Variants in CSMD1 observed in about 807,000 individuals in gnomAD.
The protein encoded by CSMD1 is CUB and Sushi multiple domains 1, also known as CUB and sushi domain-containing protein 1.
A neutral mutation model predicts 417.5 loss-of-function variants in CSMD1; 213 were observed. The ratio of observed to expected loss-of-function variants is 0.51; its 90% confidence interval spans 0.46 to 0.57. The LOEUF (loss-of-function observed/expected upper bound fraction) is 0.57. Among genes scored for constraint, CSMD1 ranks in the 20% least tolerant of loss-of-function variants. The pLI is 0.00. For synonymous variants in CSMD1, 2,862 were observed against 1,736.8 expected, an observed-to-expected ratio of 1.65 and a Z score of -16.11; for missense variants, 6,923 against 4,529.7, an observed-to-expected ratio of 1.53 and a Z score of -15.17.
intron 2 of CSMD1, among the ~76,000 whole-genome samples, chr8:4,607,902 C>G (rs984276214): frequency 6.6e-5 from 10 of 152,160 alleles, no homozygotes; most frequent in Admixed American, 5.2e-4. Context: ...ACTGTGGTGT[C>G]AAGAGCTTGG....
intron 3 of CSMD1, among the ~76,000 whole-genome samples, chr8:4,412,956 C>A (rs1210570974): frequency 1.3e-5 from 2 of 152,182 alleles, no homozygotes; most frequent in Admixed American, 1.3e-4. Flanking sequence ...GAACTTGTAT[C>A]ATCAATGGAC....
At chr8:4,476,186 A>T (rs911342177) in intron 2 of CSMD1, among the ~76,000 whole-genome samples, 1 of 152,156 alleles carries the variant, frequency 6.6e-6, no homozygotes, top group Admixed American at 6.5e-5. Flanking sequence ...CTTCACCAGC[A>T]TAACTGATAA....
chr8:3,108,510 G>A, intron 44 of CSMD1, 93 bp downstream of exon 44: 1 of 1,346,236 alleles, frequency 7.4e-7, no homozygotes, highest in East Asian at 2.4e-5. Flanking sequence ...GCTGAATCAA[G>A]AAACTTCAGC....
intron 7 of CSMD1, among the ~76,000 whole-genome samples, chr8:3,640,853 A>G (rs1585004431): frequency 6.6e-6 from 1 of 151,470 alleles, no homozygotes; most frequent in Admixed American, 6.6e-5. Context: ...TTACCTCACT[A>G]CTTTTTTTTT....
intron 1 of CSMD1, among the ~76,000 whole-genome samples, chr8:4,960,777 G>A (rs138398046): frequency 1.1e-3 from 161 of 152,112 alleles, no homozygotes; most frequent in African/African-American, 3.8e-3. Flanking sequence ...TTACATCTAA[G>A]CAAGAACAGA....
chr8:4,359,224 G>C (rs989689469), intron 3 of CSMD1, among the ~76,000 whole-genome samples: 2 of 152,142 alleles, frequency 1.3e-5, no homozygotes, highest in Non-Finnish European at 2.9e-5. Flanking sequence ...TCTGTAGAGA[G>C]GGGTGTCCCT....
At chr8:4,961,969 G>C (rs992587101) in intron 1 of CSMD1, among the ~76,000 whole-genome samples, 12 of 151,718 alleles carry the variant, frequency 7.9e-5, no homozygotes, top group Admixed American at 3.3e-4. Context: ...TCTTGTCTTT[G>C]AATGTCAAAA....
In CSMD1 at chr8:3,859,713, A is replaced by G. The variant is rs530400153; in HGVS notation, c.819-105671T>C. On this transcript the variant is annotated intron_variant, in intron 5 of 69. Transcript: ENST00000635120. ...GTGCCTACATAGTGAAGCCTCAGTA[A>G]TAACTCTGGACACAGAAACCCGGGC... Among the ~76,000 whole-genome samples, 27 of 152,242 alleles carry G rather than the reference A, an allele frequency of 1.8e-4. 2 individuals are homozygous for G. In the South Asian group the frequency reaches 5.4e-3, roughly 30 times the overall value.
intron 37 of CSMD1, among the ~76,000 whole-genome samples, chr8:3,175,191 T>A (rs908012309): frequency 6.6e-6 from 1 of 152,200 alleles, no homozygotes; most frequent in Non-Finnish European, 1.5e-5. Context: ...CTTTGAACAT[T>A]CAACTATACT....
chr8:4,028,500 A>C (rs994920848), intron 4 of CSMD1, among the ~76,000 whole-genome samples: 1 of 151,776 alleles, frequency 6.6e-6, no homozygotes, highest in Admixed American at 6.6e-5. Flanking sequence ...AACATTTTAC[A>C]AAAAAAGGAA....
intron 1 of CSMD1, among the ~76,000 whole-genome samples, chr8:4,846,171 C>T (rs998538193): frequency 6.6e-6 from 1 of 152,188 alleles, no homozygotes; most frequent in East Asian, 1.9e-4. Context: ...TGAAAACTAG[C>T]ACATGCACCA....
intron 23 of CSMD1, among the ~76,000 whole-genome samples, chr8:3,335,772 T>C (rs868347474): frequency 6.6e-6 from 1 of 152,228 alleles, no homozygotes; most frequent in Non-Finnish European, 1.5e-5. Flanking sequence ...CTGGATGTTC[T>C]ATACAATGTC....
At chr8:4,552,114 G>C (rs957597113) in intron 2 of CSMD1, among the ~76,000 whole-genome samples, 14 of 152,222 alleles carry the variant, frequency 9.2e-5, no homozygotes, top group African/African-American at 3.4e-4. Flanking sequence ...GACATTAATG[G>C]GGTGTCTTAG....
At chr8:3,855,431 A>G (rs1261038480) in intron 5 of CSMD1, among the ~76,000 whole-genome samples, 2 of 152,206 alleles carry the variant, frequency 1.3e-5, no homozygotes, top group African/African-American at 4.8e-5. Context: ...AAAAAACAAA[A>G]AAGTTTAAAT....
rs1428920508 is a variant in CSMD1, at chr8:3,188,305, T to TC, written c.5524-341_5524-340insG. On this transcript the variant is annotated intron_variant, in intron 35 of 69. Coordinates refer to ENST00000635120, the MANE Select transcript of CSMD1 (RefSeq NM_033225.6). ...TTATTTTTCTTTTTCTTTTCCTTTC[T>TC]TTTTTTTTTTTTTTTTTTTGAGATG... 1.8e-3 allele frequency among the ~76,000 whole-genome samples: 6 copies of TC among 3,414 alleles called. No individual in the cohort carries two copies. The Admixed American group carries it at 0.018, about 10-fold the overall frequency. The allele number at this position is 3,414 out of a possible 152,430, so 2.2% of individuals were successfully genotyped here.
intron 3 of CSMD1, among the ~76,000 whole-genome samples, chr8:4,131,760 T>C (rs1300579177): frequency 7.7e-6 from 1 of 130,410 alleles, no homozygotes; most frequent in Non-Finnish European, 1.6e-5. Context: ...ATGTGACTTT[T>C]TTTTTTTTTT....
chr8:4,519,224 G>C (rs1439799074), intron 2 of CSMD1, among the ~76,000 whole-genome samples: 1 of 152,042 alleles, frequency 6.6e-6, no homozygotes, highest in Non-Finnish European at 1.5e-5. Context: ...GAATGAGTTT[G>C]TTGCCTTCTC....
intron 1 of CSMD1, among the ~76,000 whole-genome samples, chr8:4,943,177 G>A (rs76889503): frequency 0.038 from 5,717 of 152,200 alleles, 145 homozygotes; most frequent in Non-Finnish European, 0.059. Flanking sequence ...TATGTATACC[G>A]TTTTCAAAGC....
intron 6 of CSMD1, among the ~76,000 whole-genome samples, chr8:3,711,799 G>C (rs762804174): frequency 2.0e-5 from 3 of 152,166 alleles, no homozygotes; most frequent in Admixed American, 6.5e-5. Context: ...ACTCAGGAGA[G>C]AGGAGATGAA....
Sources: gnomAD v4.1 joint callset for allele counts (sites outside exome capture counted in the v4.1 genomes callset) on GRCh38, gnomAD v4.1.1 for gene constraint, MANE v1.5 for transcripts, NCBI Gene and HGNC (gene_info 2026-07-23, HGNC 2026-07-21) for gene names.